The following CDH12 variants were observed in gnomAD, a reference collection of about 807,000 sequenced individuals.
CDH12 encodes cadherin-12.
Under a neutral mutation model 74.1 loss-of-function variants are expected in CDH12, and 41 were observed. The observed-to-expected ratio is 0.55, with a 90% CI of 0.43 to 0.72. The LOEUF (loss-of-function observed/expected upper bound fraction) is 0.72. CDH12 is among the 30% of genes least tolerant of loss of function. The pLI is 0.00. For missense variants in CDH12, 945 were observed against 977.2 expected, an observed-to-expected ratio of 0.97 and a Z score of 0.44; for synonymous variants, 399 against 355.0, an observed-to-expected ratio of 1.12 and a Z score of -1.39.
chr5:22,831,933 T>G (rs1224792842), intron 1 of CDH12, among the ~76,000 whole-genome samples: 1 of 151,996 alleles, frequency 6.6e-6, no homozygotes. Context: ...AAAATAATAG[T>G]AAATAGAAAT....
intron 4 of CDH12, among the ~76,000 whole-genome samples, chr5:22,163,166 C>T (rs1436871444): frequency 6.6e-6 from 1 of 152,126 alleles, no homozygotes; most frequent in Non-Finnish European, 1.5e-5. Context: ...CAGGCGTGAG[C>T]CACCGCTCCC....
At chr5:22,563,958 C>A (rs1739178818) in intron 1 of CDH12, among the ~76,000 whole-genome samples, 2 of 152,152 alleles carry the variant, frequency 1.3e-5, no homozygotes, top group Non-Finnish European at 2.9e-5. Flanking sequence ...CCTCCCACAA[C>A]ACATGGGAAT....
intron 3 of CDH12, among the ~76,000 whole-genome samples, chr5:22,220,527 T>G (rs1401923507): frequency 2.6e-5 from 4 of 151,828 alleles, no homozygotes; most frequent in African/African-American, 7.2e-5. Flanking sequence ...TTTTTTTTTC[T>G]TGATTGGCAT....
At chr5:21,934,990 G>A (rs1362300380) in intron 6 of CDH12, among the ~76,000 whole-genome samples, 1 of 152,128 alleles carries the variant, frequency 6.6e-6, no homozygotes, top group Non-Finnish European at 1.5e-5. Context: ...GTTTCATCGT[G>A]TTAGCCAGGA....
chr5:22,132,584 G>A (rs1210792305), intron 4 of CDH12, among the ~76,000 whole-genome samples: 1 of 151,816 alleles, frequency 6.6e-6, no homozygotes, highest in Non-Finnish European at 1.5e-5. Context: ...AGGGGGAAAC[G>A]GGGAGTAGTT....
chr5:21,988,963 C>T (rs1342482400), intron 5 of CDH12, among the ~76,000 whole-genome samples: 10 of 152,000 alleles, frequency 6.6e-5, no homozygotes, highest in Non-Finnish European at 1.5e-4. Context: ...ACGTAAGAAT[C>T]CTATACATCT....
chr5:22,389,375 G>A (rs932683135), intron 3 of CDH12, among the ~76,000 whole-genome samples: 5 of 152,114 alleles, frequency 3.3e-5, no homozygotes, highest in African/African-American at 9.7e-5. Flanking sequence ...GGATTGTCAA[G>A]TTTCATATGT....
chr5:22,621,856 C>T (rs1737990731), intron 1 of CDH12, among the ~76,000 whole-genome samples: 2 of 152,048 alleles, frequency 1.3e-5, no homozygotes, highest in South Asian at 4.2e-4. Context: ...TTCAGTGCCA[C>T]CCCCACTGTA....
At chr5:21,976,174 C>T (rs1005864757) in intron 5 of CDH12, among the ~76,000 whole-genome samples, 3 of 152,068 alleles carry the variant, frequency 2.0e-5, no homozygotes, top group Non-Finnish European at 4.4e-5. Context: ...TAGCTTGTTC[C>T]AATTCATTCT....
chr5:22,595,558 G>A (rs1736563577), intron 1 of CDH12, among the ~76,000 whole-genome samples: 1 of 152,110 alleles, frequency 6.6e-6, no homozygotes, highest in Non-Finnish European at 1.5e-5. Context: ...CATATTCACT[G>A]TAAATTTTTG....
chr5:22,373,022 C>T (rs1283402429), intron 3 of CDH12, among the ~76,000 whole-genome samples: 1 of 152,174 alleles, frequency 6.6e-6, no homozygotes, highest in Non-Finnish European at 1.5e-5. Flanking sequence ...CCACTGCCCC[C>T]ACCTAAGCTT....
chr5:22,759,218 A>C (rs998073741), intron 1 of CDH12, among the ~76,000 whole-genome samples: 3 of 152,090 alleles, frequency 2.0e-5, no homozygotes, highest in Non-Finnish European at 4.4e-5. Flanking sequence ...ACAAAAAAAA[A>C]CTTAGATTGA....
At position 22,642,338 on chromosome 5, in the gene CDH12, T is replaced by C. The variant is rs530672902; in HGVS notation, c.-522-136974A>G. Among the ~76,000 whole-genome samples the C allele has an allele frequency of 5.9e-5, 9 of 152,316 alleles. No individual in the cohort carries two copies. In the South Asian group the frequency reaches 6.2e-4, roughly 11 times the overall value. On this transcript the variant is annotated intron_variant, in intron 1 of 14. Transcript: ENST00000382254. ...GCTCATTGGCATAAGGATAAATTAT[T>C]TGAGGCAGTTTCTTTAGAAGTCATG...
rs191030425 is a variant in CDH12, at chr5:21,802,333, G to A, written c.1090C>T (p.Pro364Ser). The A allele has an allele frequency of 6.2e-7, 1 of 1,613,788 alleles. No homozygotes were observed. Among genetic ancestry groups the A allele is most frequent in the Admixed American group, 1.7e-5 (1 of 59,968 alleles). Residue 364 changes from proline to serine, a missense_variant, in exon 10 of 15, where the codon CCT (proline) becomes TCT (serine). Pro to Ser is a moderately conservative substitution (Grantham distance 74). Transcript: ENST00000382254. ...TTCACCGTAGCTGTGTCTTTGAAAG[G>A]GCCCGCCGAGTGAAACCGGTGGTCA... ...HLDHRFHSAG[P>S]FKDTATVKIS...
chr5:22,397,200 A>G (rs1389085300), intron 3 of CDH12, among the ~76,000 whole-genome samples: 1 of 152,000 alleles, frequency 6.6e-6, no homozygotes, highest in Non-Finnish European at 1.5e-5. Flanking sequence ...TATTCTCTCA[A>G]ATAATCATGG....
chr5:22,707,450 C>T (rs1282807556), intron 1 of CDH12, among the ~76,000 whole-genome samples: 1 of 152,072 alleles, frequency 6.6e-6, no homozygotes, highest in Non-Finnish European at 1.5e-5. Context: ...GGAATGTCTA[C>T]TGACTTTCAT....
intron 1 of CDH12, among the ~76,000 whole-genome samples, chr5:22,840,633 A>T (rs1737041193): frequency 6.6e-6 from 1 of 152,010 alleles, no homozygotes; most frequent in Non-Finnish European, 1.5e-5. Context: ...TCATCTCTTG[A>T]AATATATGAG....
chr5:21,857,377 A>C (rs535630048), intron 6 of CDH12, among the ~76,000 whole-genome samples: 1 of 151,922 alleles, frequency 6.6e-6, no homozygotes, highest in South Asian at 2.1e-4. Context: ...GAGAGAATGC[A>C]GCTCATAGAG....
At chr5:21,883,108 T>C (rs878964456) in intron 6 of CDH12, 10 of 1,594,318 alleles carry the variant, frequency 6.3e-6, no homozygotes, top group South Asian at 3.3e-5. Flanking sequence ...CAGGTTGCTA[T>C]GATTTCTGCA....
Sources: allele counts gnomAD v4.1 joint callset (sites outside exome capture counted in the v4.1 genomes callset), GRCh38; gene constraint gnomAD v4.1.1; transcripts MANE v1.5; gene names NCBI Gene and HGNC (gene_info 2026-07-23, HGNC 2026-07-21).